KAZN: variants seen among roughly 807,000 people sequenced by gnomAD.
KAZN encodes kazrin.
A neutral mutation model predicts 87.4 loss-of-function variants in KAZN; 40 were observed. That is an observed-to-expected ratio of 0.46 (90% confidence interval 0.36 to 0.60). The LOEUF (loss-of-function observed/expected upper bound fraction) is 0.60, where lower values mean the gene tolerates loss of function less well. KAZN is among the 20% of genes least tolerant of loss of function. KAZN has a pLI of 0.00. For missense variants in KAZN, 898 were observed against 1,073.9 expected (o/e 0.84, Z 2.29); for synonymous variants, 466 against 458.3 (o/e 1.02, Z -0.22).
chr1:14,591,179 C>G (rs113700934), intron 2 of KAZN, among the ~76,000 whole-genome samples: 31 of 152,082 alleles, frequency 2.0e-4, no homozygotes, highest in South Asian at 1.5e-3. Flanking sequence ...GTGCCCCCCC[C>G]CCATGGACAC....
intron 2 of KAZN, among the ~76,000 whole-genome samples, chr1:14,277,254 T>G (rs549377640): frequency 6.6e-6 from 1 of 152,340 alleles, no homozygotes; most frequent in East Asian, 1.9e-4. Context: ...CCATACATCA[T>G]ATCATTTCAC....
chr1:14,409,583 G>GA (rs1474348947), intron 2 of KAZN, among the ~76,000 whole-genome samples: 2 of 152,132 alleles, frequency 1.3e-5, no homozygotes, highest in Non-Finnish European at 1.5e-5. Context: ...ACCAAACAGT[G>GA]ATATCCATGG....
rs894956137 is a variant in KAZN, at chr1:15,056,894, C to T, written c.916+614C>T. Among the ~76,000 whole-genome samples the T allele has an allele frequency of 2.0e-5, 3 of 152,270 alleles. No homozygotes were observed. Among genetic ancestry groups the T allele is most frequent in the African/African-American group, 4.8e-5 (2 of 41,476 alleles). ...CCAAACTTCTCGCTGTCCTGTTGCACGTCTGCAGGCCACCTTGCTCTGTTC... is the reference window on the plus strand; with the variant it reads ...CCAAACTTCTCGCTGTCCTGTTGCATGTCTGCAGGCCACCTTGCTCTGTTC... On this transcript the variant is annotated intron_variant, in intron 5 of 14. Coordinates refer to ENST00000376030, the MANE Select transcript of KAZN (RefSeq NM_201628.3). The surrounding 1 kb of genome is among the most constrained non-coding windows in gnomAD (Gnocchi z 5.4).
At chr1:14,008,382 C>G (rs1366721385) in intron 1 of KAZN, among the ~76,000 whole-genome samples, 3 of 152,108 alleles carry the variant, frequency 2.0e-5, no homozygotes, top group Non-Finnish European at 4.4e-5. Flanking sequence ...CAAATCAAAC[C>G]TACCTGATGA....
chr1:14,888,543 T>C (rs1273247136), intron 1 of KAZN, among the ~76,000 whole-genome samples: 1 of 151,830 alleles, frequency 6.6e-6, no homozygotes, highest in African/African-American at 2.4e-5. Flanking sequence ...ACCCCTCAAA[T>C]ATAGCTTTTT....
intron 2 of KAZN, among the ~76,000 whole-genome samples, chr1:14,469,727 C>T (rs1233794770): frequency 6.6e-6 from 1 of 152,132 alleles, no homozygotes; most frequent in Non-Finnish European, 1.5e-5. Context: ...ACAGGCTTTT[C>T]TGGAAAAGAG....
rs560478602 is a variant in KAZN at position 14,283,616 on chromosome 1, G to A, written c.249+103024G>A. Among the ~76,000 whole-genome samples, 15 of 152,222 alleles carry A rather than the reference G, an allele frequency of 9.9e-5. No individual in the cohort carries two copies. The South Asian group carries it at 2.7e-3, about 27-fold the overall frequency. The stretch of plus-strand genomic sequence containing the variant: ...CAAGTGTTGAAGATGTGGAAAAATG[G>A]GAACCCTTATACGTTGCTGGTGGGA... On this transcript the variant is annotated intron_variant, in intron 2 of 16. Coordinates refer to the KAZN transcript ENST00000636203.
At chr1:14,470,166 C>T (rs1668377472) in intron 2 of KAZN, among the ~76,000 whole-genome samples, 1 of 152,126 alleles carries the variant, frequency 6.6e-6, no homozygotes, top group African/African-American at 2.4e-5. Flanking sequence ...AGAATAAGTG[C>T]TGAGTTGAGA....
rs1478455059 is a variant in KAZN at position 15,040,918 on chromosome 1, G to C, written c.556-3071G>C. On this transcript the variant is annotated intron_variant, in intron 3 of 14. Transcript: ENST00000376030. ...AACAGGCCACTTTCATCTCACCACTGTCACCTCCCCAGCCAGACTTTTTTT... is the reference window on the plus strand; with the variant it reads ...AACAGGCCACTTTCATCTCACCACTCTCACCTCCCCAGCCAGACTTTTTTT... Among the ~76,000 whole-genome samples, 5 of 151,922 alleles carry C rather than the reference G, an allele frequency of 3.3e-5. No individual in the cohort carries two copies. In the South Asian group the frequency reaches 8.3e-4, roughly 25 times the overall value.
chr1:14,786,499 C>T (rs1257466551), intron 1 of KAZN, among the ~76,000 whole-genome samples: 1 of 152,070 alleles, frequency 6.6e-6, no homozygotes, highest in Non-Finnish European at 1.5e-5. Flanking sequence ...TGGGCCTAAC[C>T]GGGCATGGTG....
intron 1 of KAZN, among the ~76,000 whole-genome samples, chr1:13,947,914 G>T (rs934643571): frequency 1.3e-5 from 2 of 152,080 alleles, no homozygotes; most frequent in African/African-American, 4.8e-5. Context: ...AAACACAGTC[G>T]CACTCTGAGT....
intron 2 of KAZN, among the ~76,000 whole-genome samples, chr1:14,327,245 C>T (rs1253268402): frequency 6.6e-6 from 1 of 152,144 alleles, no homozygotes; most frequent in Non-Finnish European, 1.5e-5. Context: ...CCGTCACTGA[C>T]TTGTATTTCA....
chr1:14,934,263 C>A (rs1434904782), intron 1 of KAZN, among the ~76,000 whole-genome samples: 1 of 150,214 alleles, frequency 6.7e-6, no homozygotes, highest in Non-Finnish European at 1.5e-5. Flanking sequence ...GGCTGGAGTG[C>A]AGTGGTGCGT....
chr1:14,894,161 A>G (rs1655015905), intron 1 of KAZN, among the ~76,000 whole-genome samples: 1 of 151,622 alleles, frequency 6.6e-6, no homozygotes, highest in Non-Finnish European at 1.5e-5. Context: ...TCCCCTGCCC[A>G]GCTCTGCCAC....
intron 1 of KAZN, among the ~76,000 whole-genome samples, chr1:14,951,011 C>G (rs2101705113): frequency 6.6e-6 from 1 of 152,244 alleles, no homozygotes; most frequent in South Asian, 2.1e-4. Context: ...GGCTCAGTTT[C>G]TTTTGTAAAA....
intron 5 of KAZN, among the ~76,000 whole-genome samples, chr1:15,059,232 C>G (rs1017487580): frequency 1.3e-5 from 2 of 152,062 alleles, no homozygotes; most frequent in African/African-American, 4.8e-5. Context: ...CCACCATGCC[C>G]AGCCAAAAGC....
At chr1:14,576,959 T>G (rs534647625) in intron 2 of KAZN, among the ~76,000 whole-genome samples, 1 of 152,354 alleles carries the variant, frequency 6.6e-6, no homozygotes, top group East Asian at 1.9e-4. Flanking sequence ...CATAATTAAT[T>G]AAATGCATTT....
At chr1:14,880,137 G>A (rs1354981284) in intron 1 of KAZN, among the ~76,000 whole-genome samples, 3 of 152,162 alleles carry the variant, frequency 2.0e-5, no homozygotes, top group African/African-American at 7.2e-5. Flanking sequence ...AGGGAGGAGA[G>A]TTATGTGTGA....
At chr1:14,208,032 T>C (rs192540339) in intron 2 of KAZN, among the ~76,000 whole-genome samples, 1 of 152,292 alleles carries the variant, frequency 6.6e-6, no homozygotes, top group Admixed American at 6.5e-5. Context: ...TTGTTGAAAA[T>C]ATCGTTTACT....
Sources: gnomAD v4.1 joint callset for allele counts (sites outside exome capture counted in the v4.1 genomes callset) on GRCh38, gnomAD v4.1.1 for gene constraint, Gnocchi (gnomAD v3.1) non-coding constraint, MANE v1.5 for transcripts, NCBI Gene and HGNC (gene_info 2026-07-23, HGNC 2026-07-21) for gene names.